GABRG3: variants seen among roughly 807,000 people sequenced by gnomAD.
GABRG3 encodes gamma-aminobutyric acid receptor subunit gamma-3.
In GABRG3, 25 loss-of-function variants were observed where a neutral mutation model predicts 48.8. The ratio of observed to expected loss-of-function variants is 0.51; its 90% CI spans 0.37 to 0.72. The LOEUF is 0.72. GABRG3 is among the 30% of genes least tolerant of loss of function. The pLI, the probability that GABRG3 is intolerant of heterozygous loss-of-function variation, is 0.00. For missense variants in GABRG3, 394 were observed against 577.9 expected (o/e 0.68, Z 3.26); for synonymous variants, 227 against 217.6 (o/e 1.04, Z -0.38).
At position 27,532,959 on chromosome 15, in the gene GABRG3, T is replaced by G. The variant is rs1048091578; in HGVS notation, c.*78T>G. 5.9e-5 allele frequency: 82 copies of G among 1,398,792 alleles called. 1 individual carries two copies. Among genetic ancestry groups the G allele is most frequent in the Non-Finnish European group, 7.3e-5 (75 of 1,023,512 alleles). 86.6% of individuals were successfully genotyped at this position (1,398,792 alleles called of 1,614,324 possible). A position where few individuals can be genotyped will look rare whatever the true frequency, so the allele number is the denominator to read the frequency against. ...TCGTCCCCAGACCAGTAGTGACCAA[T>G]CGGGAGTAGCAAGGAAGGACACTGC... On this transcript the variant is annotated 3_prime_UTR_variant, in exon 10 of 10. Coordinates refer to ENST00000615808, the MANE Select transcript of GABRG3 (RefSeq NM_033223.5).
chr15:27,510,196 G>A (rs1890862741), intron 6 of GABRG3, among the ~76,000 whole-genome samples: 1 of 152,150 alleles, frequency 6.6e-6, no homozygotes, highest in Non-Finnish European at 1.5e-5. Flanking sequence ...GCGTGTGGGT[G>A]GTTGGATCAA....
At chr15:27,514,879 G>T (rs1890981479) in intron 6 of GABRG3, among the ~76,000 whole-genome samples, 1 of 152,146 alleles carries the variant, frequency 6.6e-6, no homozygotes, top group Admixed American at 6.5e-5. Flanking sequence ...ACTAATCACA[G>T]AATTCAGAAA....
intron 3 of GABRG3, among the ~76,000 whole-genome samples, chr15:27,306,308 TAATATAAACATGTCTATATATAAACATAA>T (rs1892439033): frequency 7.3e-6 from 1 of 136,160 alleles, no homozygotes; most frequent in Non-Finnish European, 1.5e-5. Context: ...AACATATATA[TAATATAAACATGTCTATATATAAACATAA>T]AATATAAACA....
chr15:27,003,767 C>T, intron 2 of GABRG3, among the ~76,000 whole-genome samples: 1 of 151,848 alleles, frequency 6.6e-6, no homozygotes, highest in South Asian at 2.1e-4. Flanking sequence ...GGTGGCCTGG[C>T]AGAGGGGCTC....
intron 3 of GABRG3, among the ~76,000 whole-genome samples, chr15:27,296,135 T>A (rs1891975792): frequency 6.6e-6 from 1 of 152,164 alleles, no homozygotes; most frequent in Non-Finnish European, 1.5e-5. Context: ...AAGACCTGCC[T>A]TATGAGAAAT....
At chr15:27,092,439 C>G (rs763708987) in intron 3 of GABRG3, among the ~76,000 whole-genome samples, 2 of 152,150 alleles carry the variant, frequency 1.3e-5, no homozygotes, top group Non-Finnish European at 2.9e-5. Context: ...TGTCTGAGAC[C>G]TCACTATCTG....
intron 3 of GABRG3, among the ~76,000 whole-genome samples, chr15:27,074,366 G>A (rs1269214785): frequency 6.6e-6 from 1 of 152,110 alleles, no homozygotes; most frequent in African/African-American, 2.4e-5. Context: ...CCAGCAAGGT[G>A]GATATCACAG....
At chr15:27,307,004 ATGTATAAACATGTTTATATATAAACATG>A (rs1892561106) in intron 3 of GABRG3, among the ~76,000 whole-genome samples, 15 of 117,330 alleles carry the variant, frequency 1.3e-4, no homozygotes, top group African/African-American at 5.8e-4. Context: ...ATATATAAAC[ATGTATAAACATGTTTATATATAAACATG>A]TATAAAATAA....
intron 3 of GABRG3, among the ~76,000 whole-genome samples, chr15:27,143,235 C>T (rs942296951): frequency 2.0e-5 from 3 of 152,116 alleles, no homozygotes; most frequent in Non-Finnish European, 4.4e-5. Context: ...TGTGCCACCA[C>T]GCCTGGATAA....
At chr15:27,358,833 C>G (rs916272257) in intron 5 of GABRG3, among the ~76,000 whole-genome samples, 13 of 152,196 alleles carry the variant, frequency 8.5e-5, no homozygotes, top group African/African-American at 3.1e-4. Flanking sequence ...GTAGGAGGGC[C>G]TGGTTGCTGT....
intron 3 of GABRG3, among the ~76,000 whole-genome samples, chr15:27,307,959 C>T (rs1052737806): frequency 9.2e-4 from 120 of 131,024 alleles, no homozygotes; most frequent in Non-Finnish European, 1.5e-3. Flanking sequence ...GTAAAATAAA[C>T]ATGTTTATAT....
At chr15:27,163,941 C>T (rs577890489) in intron 3 of GABRG3, among the ~76,000 whole-genome samples, 2 of 152,296 alleles carry the variant, frequency 1.3e-5, no homozygotes, top group African/African-American at 2.4e-5. Flanking sequence ...CAGTGTCGCT[C>T]AGCTGCACCT....
intron 2 of GABRG3, among the ~76,000 whole-genome samples, chr15:26,998,065 T>C (rs1332591654): frequency 6.6e-6 from 1 of 152,206 alleles, no homozygotes; most frequent in Non-Finnish European, 1.5e-5. Flanking sequence ...CTCCAATTGC[T>C]CCTGGGTGAG....
chr15:27,341,243 G>A (rs1198533975), intron 5 of GABRG3, among the ~76,000 whole-genome samples: 1 of 152,136 alleles, frequency 6.6e-6, no homozygotes, highest in African/African-American at 2.4e-5. Flanking sequence ...GCCTTTTTAA[G>A]TATGTTTTTT....
At chr15:27,184,834 A>G (rs945038244) in intron 3 of GABRG3, among the ~76,000 whole-genome samples, 5 of 152,136 alleles carry the variant, frequency 3.3e-5, no homozygotes, top group Non-Finnish European at 7.4e-5. Context: ...AATATTCTAT[A>G]TGGTCACCAC....
At chr15:27,250,185 C>T (rs1308673286) in intron 3 of GABRG3, among the ~76,000 whole-genome samples, 10 of 152,170 alleles carry the variant, frequency 6.6e-5, no homozygotes, top group African/African-American at 2.4e-4. Flanking sequence ...CCACACTCCC[C>T]TCACCGAAAC....
chr15:27,279,650 G>A (rs1315379270), intron 3 of GABRG3, among the ~76,000 whole-genome samples: 2 of 152,088 alleles, frequency 1.3e-5, no homozygotes, highest in African/African-American at 4.8e-5. Flanking sequence ...GTACCACACG[G>A]TCTTGATTAC....
At chr15:27,106,220 T>C (rs549663327) in intron 3 of GABRG3, among the ~76,000 whole-genome samples, 1 of 152,152 alleles carries the variant, frequency 6.6e-6, no homozygotes, top group East Asian at 1.9e-4. Flanking sequence ...TAACAGGAGA[T>C]AATAAAATTG....
At chr15:27,090,209 A>G (rs1897161305) in intron 3 of GABRG3, among the ~76,000 whole-genome samples, 1 of 152,224 alleles carries the variant, frequency 6.6e-6, no homozygotes, top group South Asian at 2.1e-4. Flanking sequence ...TTTATTATAA[A>G]GTATGTTTTG....
Sources: allele counts gnomAD v4.1 joint callset (sites outside exome capture counted in the v4.1 genomes callset), GRCh38; gene constraint gnomAD v4.1.1; transcripts MANE v1.5; gene names NCBI Gene and HGNC (gene_info 2026-07-23, HGNC 2026-07-21).